Variants in ADAMTS17 observed in about 807,000 individuals in gnomAD.
The protein encoded by ADAMTS17 is A disintegrin and metalloproteinase with thrombospondin motifs 17.
A neutral mutation model predicts 141.5 loss-of-function variants in ADAMTS17; 113 were observed. The ratio of observed to expected loss-of-function variants is 0.80; its 90% CI spans 0.69 to 0.93. ADAMTS17 has a LOEUF of 0.93. Among genes scored for constraint, ADAMTS17 ranks in the 40% least tolerant of loss-of-function variants. The probability of loss-of-function intolerance (pLI) is 0.00; values close to 1 mark genes in which losing one functional copy is unlikely to be tolerated. For missense variants in ADAMTS17, 1,659 were observed against 1,517.9 expected (o/e 1.09, Z -1.54); for synonymous variants, 768 against 630.6 (o/e 1.22, Z -3.27).
At chr15:100,327,207 C>T (rs76838753) in intron 3 of ADAMTS17, among the ~76,000 whole-genome samples, 15,719 of 152,234 alleles carry the variant, frequency 0.1, 891 homozygotes, top group African/African-American at 0.11. Context: ...AGAGGATATA[C>T]ACGTATTATA....
intron 8 of ADAMTS17, chr15:100,168,374 C>G (rs1447031185): frequency 6.6e-6 from 1 of 152,220 alleles, no homozygotes; most frequent in Non-Finnish European, 1.5e-5. Context: ...GGAAAGACTG[C>G]TGGAGCAGAG....
At chr15:100,123,261 G>A (rs2037543933) in intron 12 of ADAMTS17, among the ~76,000 whole-genome samples, 1 of 152,220 alleles carries the variant, frequency 6.6e-6, no homozygotes, top group South Asian at 2.1e-4. Flanking sequence ...CACTCTGGAA[G>A]TTGCTCTGAG....
chr15:100,012,861 A>G (rs1443692115), intron 18 of ADAMTS17, among the ~76,000 whole-genome samples: 2 of 152,162 alleles, frequency 1.3e-5, no homozygotes, highest in Non-Finnish European at 2.9e-5. Context: ...TGCTTTGGCT[A>G]TGCAGGCTCT....
chr15:100,328,992 A>G (rs2045970740), intron 3 of ADAMTS17, among the ~76,000 whole-genome samples: 1 of 152,140 alleles, frequency 6.6e-6, no homozygotes, highest in African/African-American at 2.4e-5. Flanking sequence ...AACAGTCCTT[A>G]GCGATGTGGT....
At chr15:99,991,264 C>T (rs28680666) in intron 20 of ADAMTS17, among the ~76,000 whole-genome samples, 6,592 of 152,276 alleles carry the variant, frequency 0.043, 467 homozygotes, top group African/African-American at 0.15. Context: ...ATTTTGCAAT[C>T]TATCCATCTG....
At chr15:100,295,121 T>G (rs1359903966) in intron 3 of ADAMTS17, among the ~76,000 whole-genome samples, 1 of 152,152 alleles carries the variant, frequency 6.6e-6, no homozygotes, top group Non-Finnish European at 1.5e-5. Context: ...TTGACCTTCT[T>G]AAAAAGCATG....
Position 100,148,588 on chromosome 15 carries a change from G to A in ADAMTS17, c.1473+4024C>T, listed in dbSNP as rs567340911. Among the ~76,000 whole-genome samples the A allele has an allele frequency of 6.5e-4, 99 of 151,980 alleles. 1 individual carries two copies. Among genetic ancestry groups the A allele is most frequent in the African/African-American group, 2.3e-3 (95 of 41,434 alleles). On this transcript the variant is annotated intron_variant, in intron 10 of 21. Coordinates refer to ENST00000268070, the MANE Select transcript of ADAMTS17 (RefSeq NM_139057.4). ...TCACTTACACTGCTTCTAATGAGAG[G>A]TGTACTGTCAGTTTTACCTTTATCT...
At chr15:100,261,173 C>T (rs2043502433) in intron 6 of ADAMTS17, among the ~76,000 whole-genome samples, 1 of 152,112 alleles carries the variant, frequency 6.6e-6, no homozygotes, top group African/African-American at 2.4e-5. Context: ...GTAAGGTGAG[C>T]CCAAATCCCA....
At chr15:100,194,354 G>A (rs969758503) in intron 8 of ADAMTS17, among the ~76,000 whole-genome samples, 4 of 152,194 alleles carry the variant, frequency 2.6e-5, no homozygotes, top group Non-Finnish European at 5.9e-5. Context: ...GGACCTAGCT[G>A]CAGCATACCA....
At chr15:100,259,156 T>TA (rs2043431391) in intron 6 of ADAMTS17, among the ~76,000 whole-genome samples, 2 of 152,268 alleles carry the variant, frequency 1.3e-5, no homozygotes, top group Admixed American at 1.3e-4. Context: ...CTTGGGAGTT[T>TA]AGCTGCATAT....
intron 12 of ADAMTS17, among the ~76,000 whole-genome samples, chr15:100,131,039 A>C (rs2038012640): frequency 6.6e-6 from 1 of 152,098 alleles, no homozygotes; most frequent in Non-Finnish European, 1.5e-5. Flanking sequence ...CGCAGCCATA[A>C]AAAAAGGATG....
intron 8 of ADAMTS17, among the ~76,000 whole-genome samples, chr15:100,174,332 G>GAA (rs1308708852): frequency 6.6e-6 from 1 of 150,790 alleles, no homozygotes; most frequent in East Asian, 1.9e-4. Flanking sequence ...CATCTAGATA[G>GAA]TCTGCCCTGA....
intron 18 of ADAMTS17, among the ~76,000 whole-genome samples, chr15:100,005,104 G>A (rs576369253): frequency 6.6e-6 from 1 of 152,116 alleles, no homozygotes; most frequent in Non-Finnish European, 1.5e-5. Context: ...TCTAATTCAG[G>A]GCACCCCTTC....
At chr15:100,121,584 A>G (rs2037453336) in intron 12 of ADAMTS17, among the ~76,000 whole-genome samples, 1 of 152,186 alleles carries the variant, frequency 6.6e-6, no homozygotes, top group Admixed American at 6.5e-5. Flanking sequence ...CAAGAACTCT[A>G]TATCCATGTA....
At chr15:100,157,991 C>G (rs796370025) in intron 8 of ADAMTS17, among the ~76,000 whole-genome samples, 13 of 152,014 alleles carry the variant, frequency 8.6e-5, no homozygotes, top group African/African-American at 3.1e-4. Context: ...CGCGTTCAAG[C>G]TATTCTCCTG....
intron 18 of ADAMTS17, among the ~76,000 whole-genome samples, chr15:100,026,966 C>T (rs906401828): frequency 1.3e-5 from 2 of 152,220 alleles, no homozygotes; most frequent in Non-Finnish European, 2.9e-5. Context: ...ATACTATCAT[C>T]TGTCTTTTCT....
chr15:100,282,781 T>C (rs1056539356), intron 3 of ADAMTS17, among the ~76,000 whole-genome samples: 1 of 152,008 alleles, frequency 6.6e-6, no homozygotes, highest in African/African-American at 2.4e-5. Flanking sequence ...TATACAACTA[T>C]AGATAAAGCC....
intron 15 of ADAMTS17, chr15:100,063,706 C>T (rs1340487940): frequency 7.8e-7 from 1 of 1,289,976 alleles, no homozygotes; most frequent in South Asian, 1.2e-5. Context: ...GGTTTATCCT[C>T]CACCACACGG....
At chr15:100,224,513 AAAAAACCTC>A (rs1352524457) in intron 7 of ADAMTS17, among the ~76,000 whole-genome samples, 1 of 152,230 alleles carries the variant, frequency 6.6e-6, no homozygotes, top group African/African-American at 2.4e-5. Context: ...AGAGAAAACA[AAAAAACCTC>A]AAAAGGGATT....
Sources: gnomAD v4.1 joint callset for allele counts (sites outside exome capture counted in the v4.1 genomes callset) on GRCh38, gnomAD v4.1.1 for gene constraint, MANE v1.5 for transcripts, NCBI Gene and HGNC (gene_info 2026-07-23, HGNC 2026-07-21) for gene names.